Variants in HS6ST3 observed in about 807,000 individuals in gnomAD.
HS6ST3 encodes the protein heparan sulfate 6-O-sulfotransferase 3.
In HS6ST3, 12 loss-of-function variants were observed where a neutral mutation model predicts 36.7. The ratio of observed to expected loss-of-function variants is 0.33; its 90% CI spans 0.21 to 0.53. HS6ST3 has a LOEUF of 0.53. Ranked by LOEUF, HS6ST3 falls within the 20% of genes least tolerant of loss-of-function variation. HS6ST3 has a pLI of 0.95. For missense variants in HS6ST3, 584 were observed against 640.9 expected, an observed-to-expected ratio of 0.91 and a Z score of 0.96; for synonymous variants, 240 against 257.5, an observed-to-expected ratio of 0.93 and a Z score of 0.65.
intron 1 of HS6ST3, among the ~76,000 whole-genome samples, chr13:96,108,365 C>T (rs1377353257): frequency 5.9e-5 from 9 of 152,154 alleles, no homozygotes; most frequent in African/African-American, 1.4e-4. Flanking sequence ...TTATCAGTGA[C>T]GATGCGTGCA....
intron 1 of HS6ST3, among the ~76,000 whole-genome samples, chr13:96,149,400 A>G (rs764461226): frequency 6.6e-6 from 1 of 152,200 alleles, no homozygotes; most frequent in East Asian, 1.9e-4. Flanking sequence ...ATTTTTCTTT[A>G]TAGCCACAAT....
At chr13:96,205,898 T>C (rs1010992292) in intron 1 of HS6ST3, among the ~76,000 whole-genome samples, 3 of 152,132 alleles carry the variant, frequency 2.0e-5, no homozygotes, top group African/African-American at 7.2e-5. Flanking sequence ...CCTTGAAAAC[T>C]GGCAAAAGAC....
At chr13:96,387,426 A>C (rs1302099009) in intron 1 of HS6ST3, among the ~76,000 whole-genome samples, 2 of 152,202 alleles carry the variant, frequency 1.3e-5, no homozygotes, top group African/African-American at 4.8e-5. Context: ...GTTGAGCCAT[A>C]ATGTTATTCT....
intron 1 of HS6ST3, among the ~76,000 whole-genome samples, chr13:96,424,260 C>CAA (rs371919535): frequency 0.5 from 75,708 of 151,344 alleles, 19,148 homozygotes; most frequent in Non-Finnish European, 0.56. Context: ...AACTTAAGTC[C>CAA]AGCCAATTCC....
intron 1 of HS6ST3, among the ~76,000 whole-genome samples, chr13:96,732,286 G>A (rs1293299961): frequency 6.6e-6 from 1 of 151,822 alleles, no homozygotes; most frequent in Admixed American, 6.6e-5. Context: ...AGTTGTTTAT[G>A]TTTTCTTCTA....
At chr13:96,542,294 C>G (rs1287621778) in intron 1 of HS6ST3, among the ~76,000 whole-genome samples, 1 of 152,120 alleles carries the variant, frequency 6.6e-6, no homozygotes, top group Admixed American at 6.6e-5. Flanking sequence ...GCAGCTTTCT[C>G]CCAATATGGA....
intron 1 of HS6ST3, among the ~76,000 whole-genome samples, chr13:96,291,317 T>A (rs2139398926): frequency 6.6e-6 from 1 of 152,300 alleles, no homozygotes; most frequent in Admixed American, 6.5e-5. Context: ...AGGCCTGGAT[T>A]CTGCCAGCCT....
chr13:96,580,583 A>G (rs1156875484), intron 1 of HS6ST3, among the ~76,000 whole-genome samples: 1 of 152,100 alleles, frequency 6.6e-6, no homozygotes, highest in African/African-American at 2.4e-5. Flanking sequence ...CCTTTTAAAA[A>G]TTTTCTTTGA....
chr13:96,335,888 A>G (rs2085082189), intron 1 of HS6ST3, among the ~76,000 whole-genome samples: 1 of 152,210 alleles, frequency 6.6e-6, no homozygotes, highest in South Asian at 2.1e-4. Context: ...TCTTCTATAT[A>G]TGAGACTTTC....
intron 1 of HS6ST3, among the ~76,000 whole-genome samples, chr13:96,284,285 G>A (rs1366087529): frequency 5.3e-5 from 8 of 152,092 alleles, no homozygotes; most frequent in Non-Finnish European, 1.2e-4. Context: ...CACAGGTGAG[G>A]TCCCACAATA....
intron 1 of HS6ST3, among the ~76,000 whole-genome samples, chr13:96,627,681 T>C (rs187162793): frequency 7.2e-5 from 11 of 152,114 alleles, no homozygotes; most frequent in Admixed American, 2.6e-4. Flanking sequence ...TTTGTGAAAA[T>C]ATTTTAAACT....
chr13:96,718,367 G>C (rs1040039389), intron 1 of HS6ST3, among the ~76,000 whole-genome samples: 38 of 152,096 alleles, frequency 2.5e-4, no homozygotes, highest in Non-Finnish European at 1.2e-4. Flanking sequence ...CTTTTTAATT[G>C]AAGAGTATCT....
intron 1 of HS6ST3, among the ~76,000 whole-genome samples, chr13:96,541,565 A>G (rs1486703511): frequency 2.0e-5 from 3 of 152,226 alleles, no homozygotes; most frequent in Non-Finnish European, 4.4e-5. Context: ...TGAAATGACT[A>G]TAATAAATTA....
chr13:96,297,773 C>T (rs1298828439), intron 1 of HS6ST3, among the ~76,000 whole-genome samples: 1 of 152,098 alleles, frequency 6.6e-6, no homozygotes, highest in Admixed American at 6.6e-5. Flanking sequence ...ATCTGCACTC[C>T]TATAAAATTT....
At chr13:96,106,241 G>T (rs2053840961) in intron 1 of HS6ST3, among the ~76,000 whole-genome samples, 1 of 152,188 alleles carries the variant, frequency 6.6e-6, no homozygotes, top group South Asian at 2.1e-4. Flanking sequence ...TGGCTTTAAT[G>T]ACTTGATTCT....
chr13:96,656,994 T>TGAGAGAGAGA (rs1383073942), intron 1 of HS6ST3, among the ~76,000 whole-genome samples: 4 of 135,418 alleles, frequency 3.0e-5, no homozygotes, highest in African/African-American at 1.1e-4. Flanking sequence ...TGTGTGTGTG[T>TGAGAGAGAGA]GTGTGAGAGA....
chr13:96,688,500 G>A (rs1874850867), intron 1 of HS6ST3, among the ~76,000 whole-genome samples: 1 of 151,996 alleles, frequency 6.6e-6, no homozygotes. Flanking sequence ...TTTAATTGCT[G>A]CGTGCACCTT....
intron 1 of HS6ST3, among the ~76,000 whole-genome samples, chr13:96,714,174 T>G (rs1251218776): frequency 6.6e-6 from 1 of 152,144 alleles, no homozygotes; most frequent in Non-Finnish European, 1.5e-5. Flanking sequence ...AAAACATTGA[T>G]AAATTTGAGT....
chr13:96,334,222 C>T (rs575705821), intron 1 of HS6ST3, among the ~76,000 whole-genome samples: 36 of 152,260 alleles, frequency 2.4e-4, no homozygotes, highest in African/African-American at 8.4e-4. Flanking sequence ...GAATTGTAAT[C>T]CCCAGTGTTG....
Sources: allele counts gnomAD v4.1 joint callset (sites outside exome capture counted in the v4.1 genomes callset), GRCh38; gene constraint gnomAD v4.1.1; transcripts MANE v1.5; gene names NCBI Gene and HGNC (gene_info 2026-07-23, HGNC 2026-07-21).